The following RBPJ variants were observed in gnomAD, a reference collection of about 807,000 sequenced individuals.
The protein encoded by RBPJ is recombining binding protein suppressor of hairless.
RBPJ carries 9 observed loss-of-function variants against 67.8 expected under a neutral mutation model. The ratio of observed to expected loss-of-function variants is 0.13; its 90% CI spans 0.08 to 0.23. RBPJ has a LOEUF of 0.23. Among genes scored for constraint, RBPJ ranks in the 10% least tolerant of loss-of-function variants. RBPJ has a pLI of 1.00. For missense variants in RBPJ, 305 were observed against 595.6 expected (o/e 0.51, Z 5.08); for synonymous variants, 198 against 203.3 (o/e 0.97, Z 0.22).
intron 1 of RBPJ, among the ~76,000 whole-genome samples, chr4:26,272,311 A>G (rs1425383891): frequency 6.6e-6 from 1 of 152,198 alleles, no homozygotes; most frequent in Non-Finnish European, 1.5e-5. Flanking sequence ...TCACACCCAT[A>G]AGCCCAACAT....
chr4:26,140,670 C>T, the RBPJ span, among the ~76,000 whole-genome samples: 2 of 129,016 alleles, frequency 1.6e-5, no homozygotes, highest in African/African-American at 2.8e-5. Flanking sequence ...GGCCTGACTT[C>T]ATCCCAGGAT....
chr4:26,410,971 A>T (rs1397269834), intron 3 of RBPJ, among the ~76,000 whole-genome samples: 2 of 152,244 alleles, frequency 1.3e-5, no homozygotes, highest in African/African-American at 2.4e-5. Context: ...AACGTGTTTT[A>T]TAGGATATCT....
At chr4:26,400,861 A>AG (rs925582748) in intron 2 of RBPJ, among the ~76,000 whole-genome samples, 3 of 152,242 alleles carry the variant, frequency 2.0e-5, no homozygotes, top group African/African-American at 7.2e-5. Flanking sequence ...AGAAGCCAGT[A>AG]GAATGCCCAG....
At chr4:26,167,968 C>T (rs1020796390) in intron 1 of RBPJ, among the ~76,000 whole-genome samples, 151 of 151,912 alleles carry the variant, frequency 9.9e-4, no homozygotes, top group Non-Finnish European at 1.6e-3. Context: ...ATGTGTGTCT[C>T]TGCATGTGAG....
At position 26,430,604 on chromosome 4, in the gene RBPJ, T is replaced by G; in HGVS notation, c.1148+82T>G. Reference sequence around the variant, plus strand: ...GATTCTTTCCTGGCACTGATTGTAATGTATTAAACAACCTTGTGTTAAGTC... The same window carrying G: ...GATTCTTTCCTGGCACTGATTGTAAGGTATTAAACAACCTTGTGTTAAGTC... On this transcript the variant is annotated intron_variant, in intron 10 of 10. Coordinates refer to ENST00000355476, the MANE Select transcript of RBPJ (RefSeq NM_015874.6). This position sits in a 1 kb window ranked among gnomAD's most constrained non-coding sequence, Gnocchi z 4.1. The G allele has an allele frequency of 6.5e-7, 1 of 1,528,022 alleles. No individual in the cohort carries two copies. Among genetic ancestry groups the G allele is most frequent in the Non-Finnish European group, 8.9e-7 (1 of 1,117,626 alleles). 94.7% of individuals were successfully genotyped at this position (1,528,022 alleles called of 1,614,324 possible). A position where few individuals can be genotyped will look rare whatever the true frequency, so the allele number is the denominator to read the frequency against.
intron 1 of RBPJ, among the ~76,000 whole-genome samples, chr4:26,347,927 T>C (rs1049563281): frequency 6.6e-6 from 1 of 151,534 alleles, no homozygotes; most frequent in African/African-American, 2.4e-5. Context: ...AGAGTCTTTC[T>C]ACATCTGCTG....
At chr4:26,120,714 CTTTTTTTT>C in the RBPJ span, among the ~76,000 whole-genome samples, 5 of 83,014 alleles carry the variant, frequency 6.0e-5, no homozygotes, top group African/African-American at 9.5e-5. Flanking sequence ...ATTTTCTCAA[CTTTTTTTT>C]TTTTTTTTTT....
At chr4:26,269,935 A>G (rs1199274538) in intron 1 of RBPJ, among the ~76,000 whole-genome samples, 1 of 152,088 alleles carries the variant, frequency 6.6e-6, no homozygotes, top group Non-Finnish European at 1.5e-5. Flanking sequence ...TTAATGAAAC[A>G]TTGTGGAAGA....
chr4:26,226,776 G>A (rs1719089801), intron 1 of RBPJ, among the ~76,000 whole-genome samples: 1 of 152,188 alleles, frequency 6.6e-6, no homozygotes, highest in African/African-American at 2.4e-5. Context: ...TTCTGTTAAA[G>A]TGAGGGTTAC....
intron 1 of RBPJ, among the ~76,000 whole-genome samples, chr4:26,177,346 A>G (rs1367128869): frequency 6.6e-6 from 1 of 152,114 alleles, no homozygotes; most frequent in Non-Finnish European, 1.5e-5. Flanking sequence ...GAGGCCAAGG[A>G]GGGCAGATCA....
intron 1 of RBPJ, among the ~76,000 whole-genome samples, chr4:26,381,906 A>G (rs974784806): frequency 6.6e-6 from 1 of 152,140 alleles, no homozygotes; most frequent in Non-Finnish European, 1.5e-5. Flanking sequence ...TGAGAATCCT[A>G]CTCATGCAAG....
chr4:26,201,357 A>C (rs921921146), intron 1 of RBPJ, among the ~76,000 whole-genome samples: 1 of 152,184 alleles, frequency 6.6e-6, no homozygotes, highest in Non-Finnish European at 1.5e-5. Flanking sequence ...TCGGTATTTC[A>C]TAACTCCCTC....
chr4:26,299,415 T>C (rs1297996621), intron 1 of RBPJ, among the ~76,000 whole-genome samples: 1 of 152,102 alleles, frequency 6.6e-6, no homozygotes, highest in African/African-American at 2.4e-5. Context: ...CTTAAGTAAT[T>C]GAGTATAAGT....
chr4:26,148,768 G>T, the RBPJ span, among the ~76,000 whole-genome samples: 1 of 152,108 alleles, frequency 6.6e-6, no homozygotes, highest in Non-Finnish European at 1.5e-5. Flanking sequence ...GAAGACCTAG[G>T]GATAAACCAT....
At chr4:26,383,219 A>C (rs1036412645) in intron 1 of RBPJ, among the ~76,000 whole-genome samples, 2 of 152,182 alleles carry the variant, frequency 1.3e-5, no homozygotes, top group African/African-American at 4.8e-5. Flanking sequence ...GACTTGATCT[A>C]ATGGGCATTT....
At chr4:26,342,709 G>C (rs1425064238) in intron 1 of RBPJ, among the ~76,000 whole-genome samples, 1 of 152,124 alleles carries the variant, frequency 6.6e-6, no homozygotes, top group East Asian at 1.9e-4. Flanking sequence ...TACAATTTTG[G>C]AAGAAGGGTT....
At chr4:26,221,178 C>T (rs1481946686) in intron 1 of RBPJ, among the ~76,000 whole-genome samples, 1 of 152,208 alleles carries the variant, frequency 6.6e-6, no homozygotes, top group Non-Finnish European at 1.5e-5. Context: ...GCAACCTCCG[C>T]CTCCTGGGTT....
intron 1 of RBPJ, among the ~76,000 whole-genome samples, chr4:26,254,638 A>G (rs776967710): frequency 1.4e-5 from 2 of 147,728 alleles, no homozygotes; most frequent in Non-Finnish European, 2.9e-5. Flanking sequence ...AATGTTATCG[A>G]TGCTAGATAT....
intron 4 of RBPJ, 78 bp from the exon 5 acceptor site, chr4:26,420,473 C>G: frequency 1.1e-6 from 1 of 937,924 alleles, no homozygotes; most frequent in South Asian, 2.7e-5. Flanking sequence ...TTACTTAAAC[C>G]ATGGCCATTC....
Sources: gnomAD v4.1 joint callset for allele counts (sites outside exome capture counted in the v4.1 genomes callset) on GRCh38, gnomAD v4.1.1 for gene constraint, Gnocchi (gnomAD v3.1) non-coding constraint, MANE v1.5 for transcripts, NCBI Gene and HGNC (gene_info 2026-07-23, HGNC 2026-07-21) for gene names.